SLC22A15: variants seen among roughly 807,000 people sequenced by gnomAD.
The protein encoded by SLC22A15 is solute carrier family 22 member 15, also known as flipt 1.
A neutral mutation model predicts 62.7 loss-of-function variants in SLC22A15; 45 were observed. The ratio of observed to expected loss-of-function variants is 0.72; its 90% CI spans 0.56 to 0.92. The LOEUF (loss-of-function observed/expected upper bound fraction) is 0.92, where lower values mean the gene tolerates loss of function less well. Ranked by LOEUF, SLC22A15 falls within the 40% of genes least tolerant of loss-of-function variation. The pLI, the probability that SLC22A15 is intolerant of heterozygous loss-of-function variation, is 0.00. For missense variants in SLC22A15, 622 were observed against 665.6 expected (o/e 0.93, Z 0.72); for synonymous variants, 264 against 267.0 (o/e 0.99, Z 0.11).
At chr1:116,034,234 A>G (rs531990970) in intron 6 of SLC22A15, among the ~76,000 whole-genome samples, 1 of 152,298 alleles carries the variant, frequency 6.6e-6, no homozygotes, top group African/African-American at 2.4e-5. Context: ...AAACATATTC[A>G]TATTTTTGTA....
intron 8 of SLC22A15, among the ~76,000 whole-genome samples, chr1:116,044,804 A>G (rs182618908): frequency 6.6e-6 from 1 of 152,320 alleles, no homozygotes; most frequent in Admixed American, 6.5e-5. Flanking sequence ...TTAGGGATAA[A>G]TTTTATGAAA....
intron 1 of SLC22A15, among the ~76,000 whole-genome samples, chr1:115,986,092 C>T (rs1369585355): frequency 6.6e-6 from 1 of 152,024 alleles, no homozygotes; most frequent in African/African-American, 2.4e-5. Context: ...ATCCTCCTGC[C>T]TTGGCTCCCT....
At chr1:115,998,889 T>G (rs1017721660) in intron 2 of SLC22A15, among the ~76,000 whole-genome samples, 1 of 152,180 alleles carries the variant, frequency 6.6e-6, no homozygotes. Context: ...TATTTGAAGT[T>G]TTTCTACTGT....
In SLC22A15 at chr1:116,027,200, A is replaced by G. The variant is rs80000395; in HGVS notation, c.728+178A>G. ...CAGCTCCTGGGAAGAGAGATGCTTA[A>G]TTAATTCAGAATGCAGGTATCCCTT... On this transcript the variant is annotated intron_variant, in intron 5 of 11. Transcript: ENST00000369503. 1.9e-4 allele frequency: 126 copies of G among 669,340 alleles called. No homozygotes were observed. In the African/African-American group the frequency reaches 2.0e-3, roughly 11 times the overall value. 41.5% of individuals were successfully genotyped at this position (669,340 alleles called of 1,614,324 possible).
At chr1:115,990,085 G>T (rs796780992) in intron 1 of SLC22A15, among the ~76,000 whole-genome samples, 13 of 152,344 alleles carry the variant, frequency 8.5e-5, no homozygotes, top group African/African-American at 1.9e-4. Flanking sequence ...AGCTTTAGGA[G>T]TGAGCAGCAA....
chr1:116,062,698 A>T (rs189392560), intron 8 of SLC22A15, 64 bp from the exon 9 acceptor site: 124 of 1,598,698 alleles, frequency 7.8e-5, no homozygotes, highest in Admixed American at 4.7e-4. Context: ...TCAAAATGAA[A>T]TGTGCCATTT....
chr1:116,037,058 T>A (rs1337172685), intron 7 of SLC22A15, among the ~76,000 whole-genome samples: 1 of 152,196 alleles, frequency 6.6e-6, no homozygotes, highest in African/African-American at 2.4e-5. Flanking sequence ...ATAGATAGAA[T>A]GATACTATGC....
In SLC22A15 at chr1:116,020,886, G is replaced by T; in HGVS notation, c.598+1G>T. The T allele has an allele frequency of 6.2e-7, 1 of 1,609,702 alleles. No homozygotes were observed. Among genetic ancestry groups the T allele is most frequent in the Non-Finnish European group, 8.5e-7 (1 of 1,177,584 alleles). On this transcript the variant is annotated splice_donor_variant, in intron 4 of 11. Transcript: ENST00000369503. LOFTEE classifies it high-confidence loss of function. ...GGCACCGCCTACTGGGCACTTGCAG[G>T]TACTACTTAAATCATGCAGCTCTGG...
At chr1:116,031,950 TA>T in intron 6 of SLC22A15, 2 of 1,073,160 alleles carry the variant, frequency 1.9e-6, no homozygotes, top group Non-Finnish European at 2.3e-6. Context: ...AATAGGACTT[TA>T]AAAATACTTA....
At chr1:116,064,604 A>G (rs914765059) in intron 10 of SLC22A15, 96 bp downstream of exon 10, 1 of 823,478 alleles carries the variant, frequency 1.2e-6, no homozygotes, top group African/African-American at 1.7e-5. Context: ...GATGTCATTT[A>G]AGATCAGCTG....
At chr1:116,065,608 A>G (rs1204291800) in intron 10 of SLC22A15, among the ~76,000 whole-genome samples, 1 of 151,678 alleles carries the variant, frequency 6.6e-6, no homozygotes. Context: ...CTTCCTCCTC[A>G]TCCCTGTCTT....
intron 2 of SLC22A15, among the ~76,000 whole-genome samples, chr1:116,001,398 T>A (rs1209420477): frequency 1.3e-5 from 2 of 152,204 alleles, no homozygotes; most frequent in African/African-American, 4.8e-5. Flanking sequence ...AAAGTTCTGT[T>A]ATTATCTCTT....
At chr1:116,021,894 G>C (rs1459910916) in intron 4 of SLC22A15, among the ~76,000 whole-genome samples, 2 of 152,210 alleles carry the variant, frequency 1.3e-5, no homozygotes, top group African/African-American at 2.4e-5. Flanking sequence ...ATCTTCCACT[G>C]TTCCCCAAAG....
chr1:115,994,731 G>T (rs1302405274), intron 2 of SLC22A15, among the ~76,000 whole-genome samples: 1 of 152,052 alleles, frequency 6.6e-6, no homozygotes, highest in Non-Finnish European at 1.5e-5. Context: ...ATACTTCAGC[G>T]TGTATTTACT....
At chr1:116,027,559 C>T (rs1316505398) in intron 5 of SLC22A15, among the ~76,000 whole-genome samples, 1 of 152,002 alleles carries the variant, frequency 6.6e-6, no homozygotes, top group Non-Finnish European at 1.5e-5. Context: ...TAAATGACTG[C>T]CCAAGGGTGT....
chr1:116,020,836 CTT>C lies in SLC22A15; in HGVS notation c.551_552del (p.Phe184CysfsTer4). 1 of 1,613,418 alleles carries C rather than the reference CTT, an allele frequency of 6.2e-7. No homozygotes were observed. The highest frequency in any genetic ancestry group is 8.5e-7 in the Non-Finnish European group (1 of 1,179,624). On this transcript the variant is annotated frameshift_variant, in exon 4 of 12. Transcript: ENST00000369503. LOFTEE classifies it high-confidence loss of function. ...TGAATGGAGGGATGTCGCTGGTGGC[CTT>C]TGTCTTGCTTAATGAATGTGTGGGC... ...MMNGGMSLVA[F>X]VLLNECVGTA... is the part of the protein sequence containing the mutation.
chr1:116,019,457 T>G, intron 2 of SLC22A15, 125 bp from the exon 3 acceptor site: 1 of 892,014 alleles, frequency 1.1e-6, no homozygotes, highest in Non-Finnish European at 1.7e-6. Flanking sequence ...CAAATTCTAC[T>G]GAATTCTGGT....
At chr1:116,031,870 C>A (rs1352251334) in intron 6 of SLC22A15, 7 of 1,193,296 alleles carry the variant, frequency 5.9e-6, no homozygotes, top group Non-Finnish European at 7.3e-6. Context: ...AATATTTAAG[C>A]CTTCCTGCCC....
In SLC22A15 at chr1:116,066,547, A is replaced by G. The variant is rs765937202; in HGVS notation, c.1393A>G (p.Ile465Val). The change falls in exon 11 of 12, where the codon ATT (isoleucine) becomes GTT (valine). Residue 465 changes from isoleucine (I) to valine (V), a missense_variant. Transcript: ENST00000369503. The part of the protein sequence containing the change: ...LKYVQWSLPF[I>V]VFGATGLTSG... ...ATATGTGCAATGGTCTTTACCATTC[A>G]TTGTCTTCGGAGCCACGGGTCTGAC... The G allele has an allele frequency of 3.7e-6, 6 of 1,605,716 alleles. No individual in the cohort carries two copies. In the Admixed American group the frequency reaches 6.8e-5, roughly 18 times the overall value.
Sources: allele counts gnomAD v4.1 joint callset (sites outside exome capture counted in the v4.1 genomes callset), GRCh38; gene constraint gnomAD v4.1.1; transcripts MANE v1.5; gene names NCBI Gene and HGNC (gene_info 2026-07-23, HGNC 2026-07-21).